KCTD16: variants seen among roughly 807,000 people sequenced by gnomAD.
The protein encoded by KCTD16 is potassium channel tetramerization domain containing 16.
A neutral mutation model predicts 33.2 loss-of-function variants in KCTD16; 13 were observed. That is an observed-to-expected ratio of 0.39 (90% CI 0.25 to 0.62). The LOEUF (loss-of-function observed/expected upper bound fraction) is 0.62, where lower values mean the gene tolerates loss of function less well. KCTD16 is among the 20% of genes least tolerant of loss of function. The pLI, the probability that KCTD16 is intolerant of heterozygous loss-of-function variation, is 0.50. For missense variants in KCTD16, 441 were observed against 525.1 expected, an observed-to-expected ratio of 0.84 and a Z score of 1.57; for synonymous variants, 197 against 195.3, an observed-to-expected ratio of 1.01 and a Z score of -0.07.
chr5:144,354,409 G>A (rs111967100), intron 3 of KCTD16, among the ~76,000 whole-genome samples: 224 of 152,240 alleles, frequency 1.5e-3, no homozygotes, highest in African/African-American at 5.2e-3. Context: ...TCCAAGATTT[G>A]TATACATTTT....
At position 144,318,611 on chromosome 5, in the gene KCTD16, G is replaced by T. The variant is rs560717266; in HGVS notation, c.832+111065G>T. ...TTTTGTTAGTCCTTTTCTCATTCAGGACTATTTCCCTGAGGTCAGCTTTCG... is the reference window on the plus strand; with the variant it reads ...TTTTGTTAGTCCTTTTCTCATTCAGTACTATTTCCCTGAGGTCAGCTTTCG... On this transcript the variant is annotated intron_variant, in intron 3 of 3. Coordinates refer to ENST00000512467, the MANE Select transcript of KCTD16 (RefSeq NM_020768.4). Among the ~76,000 whole-genome samples the T allele has an allele frequency of 1.6e-4, 24 of 152,228 alleles. No individual in the cohort carries two copies. The South Asian group carries it at 4.4e-3, about 28-fold the overall frequency.
chr5:144,174,142 G>A (rs1561518451), intron 1 of KCTD16, among the ~76,000 whole-genome samples, 165 bp from the exon 2 acceptor site: 1 of 152,110 alleles, frequency 6.6e-6, no homozygotes, highest in Non-Finnish European at 1.5e-5. Flanking sequence ...AAAAGGGAAA[G>A]GACATCCTAA....
At chr5:144,320,798 A>G (rs1263899862) in intron 3 of KCTD16, among the ~76,000 whole-genome samples, 2 of 151,832 alleles carry the variant, frequency 1.3e-5, no homozygotes, top group African/African-American at 4.8e-5. Flanking sequence ...GCTTTAGGGA[A>G]TAGATGGTTC....
chr5:144,202,497 G>C (rs1339332997), intron 2 of KCTD16, among the ~76,000 whole-genome samples: 1 of 152,116 alleles, frequency 6.6e-6, no homozygotes, highest in Non-Finnish European at 1.5e-5. Context: ...GTACAGATCT[G>C]GGGATGTTAA....
chr5:144,384,538 TTTTA>T (rs1043597067), intron 3 of KCTD16, among the ~76,000 whole-genome samples: 5 of 152,176 alleles, frequency 3.3e-5, no homozygotes, highest in African/African-American at 9.6e-5. Flanking sequence ...CGAAATAAAA[TTTTA>T]TTTATTATAA....
At chr5:144,298,245 A>C (rs1756102662) in intron 3 of KCTD16, among the ~76,000 whole-genome samples, 1 of 152,236 alleles carries the variant, frequency 6.6e-6, no homozygotes, top group African/African-American at 2.4e-5. Context: ...GTCAGAGAAC[A>C]CGAGGCTTGC....
At chr5:144,235,548 A>G (rs1441054019) in intron 3 of KCTD16, among the ~76,000 whole-genome samples, 2 of 152,156 alleles carry the variant, frequency 1.3e-5, no homozygotes, top group Non-Finnish European at 2.9e-5. Flanking sequence ...AGGATTTGAC[A>G]GCAGCTACCT....
intron 3 of KCTD16, among the ~76,000 whole-genome samples, chr5:144,395,897 T>A (rs1398798381): frequency 6.6e-6 from 1 of 152,250 alleles, no homozygotes; most frequent in African/African-American, 2.4e-5. Flanking sequence ...ATGGGCCGAC[T>A]CTGGTCTGCT....
chr5:144,389,693 C>T (rs1216398412), intron 3 of KCTD16, among the ~76,000 whole-genome samples: 4 of 152,028 alleles, frequency 2.6e-5, no homozygotes, highest in South Asian at 2.1e-4. Context: ...TTGTCTTCCA[C>T]GAAACCAGTC....
intron 2 of KCTD16, among the ~76,000 whole-genome samples, chr5:144,190,536 T>G (rs2126779659): frequency 6.6e-6 from 1 of 152,328 alleles, no homozygotes; most frequent in South Asian, 2.1e-4. Flanking sequence ...TATCTATTAT[T>G]ATATCTATTA....
At chr5:144,390,063 C>T (rs1752414982) in intron 3 of KCTD16, among the ~76,000 whole-genome samples, 1 of 152,198 alleles carries the variant, frequency 6.6e-6, no homozygotes, top group Non-Finnish European at 1.5e-5. Context: ...TTTATCAAGA[C>T]TAATGAGTCT....
chr5:144,178,194 A>T (rs1368170013), intron 2 of KCTD16, among the ~76,000 whole-genome samples: 1 of 152,222 alleles, frequency 6.6e-6, no homozygotes, highest in Non-Finnish European at 1.5e-5. Flanking sequence ...TGCTAAAGGA[A>T]ACTCTTAATG....
chr5:144,297,145 C>T (rs1030447448), intron 3 of KCTD16, among the ~76,000 whole-genome samples: 1 of 152,196 alleles, frequency 6.6e-6, no homozygotes, highest in Non-Finnish European at 1.5e-5. Flanking sequence ...TCCTTTGATT[C>T]TAGCTCCGCT....
chr5:144,342,982 A>G (rs1287877567), intron 3 of KCTD16, among the ~76,000 whole-genome samples: 1 of 152,146 alleles, frequency 6.6e-6, no homozygotes, highest in Non-Finnish European at 1.5e-5. Context: ...TTGGTTTGCT[A>G]GTATTTTATT....
intron 3 of KCTD16, among the ~76,000 whole-genome samples, chr5:144,373,080 T>C (rs921122154): frequency 6.6e-6 from 1 of 152,170 alleles, no homozygotes; most frequent in African/African-American, 2.4e-5. Flanking sequence ...GAATGTGGGA[T>C]GTCAAGAGTT....
intron 3 of KCTD16, among the ~76,000 whole-genome samples, chr5:144,449,237 G>A (rs569819431): frequency 3.3e-5 from 5 of 152,004 alleles, no homozygotes; most frequent in African/African-American, 4.8e-5. Flanking sequence ...ACCAGAAAAC[G>A]TAATGAAATA....
chr5:144,394,357 A>G (rs1752518077), intron 3 of KCTD16, among the ~76,000 whole-genome samples: 2 of 152,164 alleles, frequency 1.3e-5, no homozygotes, highest in Admixed American at 1.3e-4. Flanking sequence ...TAGCAAAGTA[A>G]AGAAAAGGCC....
At chr5:144,244,192 C>T (rs1224041989) in intron 3 of KCTD16, among the ~76,000 whole-genome samples, 1 of 152,134 alleles carries the variant, frequency 6.6e-6, no homozygotes, top group Non-Finnish European at 1.5e-5. Flanking sequence ...AATCTCTTCT[C>T]AACATCTTGG....
intron 3 of KCTD16, among the ~76,000 whole-genome samples, chr5:144,287,245 T>C (rs1225327834): frequency 2.7e-5 from 4 of 146,798 alleles, no homozygotes; most frequent in Non-Finnish European, 4.6e-5. Flanking sequence ...AGAAGGCTCG[T>C]GTCTTCCACA....
Sources: gnomAD v4.1 joint callset for allele counts (sites outside exome capture counted in the v4.1 genomes callset) on GRCh38, gnomAD v4.1.1 for gene constraint, MANE v1.5 for transcripts, NCBI Gene and HGNC (gene_info 2026-07-23, HGNC 2026-07-21) for gene names.